ST3GAL6: variants seen among roughly 807,000 people sequenced by gnomAD.
ST3GAL6 encodes type 2 lactosamine alpha-2,3-sialyltransferase.
In ST3GAL6, 31 loss-of-function variants were observed where a neutral mutation model predicts 40.5. The observed-to-expected ratio is 0.77, with a 90% confidence interval of 0.58 to 1.03. The LOEUF (loss-of-function observed/expected upper bound fraction) is 1.03, where lower values mean the gene tolerates loss of function less well. Ranked by LOEUF, ST3GAL6 falls within the 50% of genes least tolerant of loss-of-function variation. The probability of loss-of-function intolerance (pLI) is 0.00; values close to 1 mark genes in which losing one functional copy is unlikely to be tolerated. For synonymous variants in ST3GAL6, 129 were observed against 136.9 expected (o/e 0.94, Z 0.40); for missense variants, 357 against 393.2 (o/e 0.91, Z 0.78).
intron 1 of ST3GAL6, chr3:98,733,023 TG>T (rs2107226924): frequency 7.0e-7 from 1 of 1,438,468 alleles, no homozygotes; most frequent in Non-Finnish European, 9.1e-7. Context: ...TGAGGGAAAT[TG>T]GGGGTGCGGG....
intron 1 of ST3GAL6, 37 bp downstream of exon 1, chr3:98,763,476 G>A (rs777900921): frequency 3.1e-6 from 4 of 1,289,274 alleles, no homozygotes; most frequent in Non-Finnish European, 3.0e-6. Context: ...TAAGGGGAAG[G>A]TTGTGGCTTA....
At chr3:98,786,589 G>A (rs571335385) in intron 6 of ST3GAL6, among the ~76,000 whole-genome samples, 34 of 152,302 alleles carry the variant, frequency 2.2e-4, no homozygotes, top group Admixed American at 2.2e-3. Context: ...TGAATGTACA[G>A]ATGAAGATGT....
Position 98,747,902 on chromosome 3 carries a change from G to T in ST3GAL6, c.-12+15370G>T, listed in dbSNP as rs748816708. Reference sequence around the variant, plus strand: ...TGATACTGGGAGGAGAGGAATGGGGGTAGGGAAGGGACCATAAATCTAGTT... The same window carrying T: ...TGATACTGGGAGGAGAGGAATGGGGTTAGGGAAGGGACCATAAATCTAGTT... On this transcript the variant is annotated intron_variant, in intron 1 of 9. Coordinates refer to the ST3GAL6 transcript ENST00000265261. 3.0e-4 allele frequency among the ~76,000 whole-genome samples: 45 copies of T among 152,182 alleles called. 1 individual carries two copies. Among genetic ancestry groups the T allele is most frequent in the Admixed American group, 1.8e-3 (27 of 15,278 alleles).
At chr3:98,787,914 G>T in intron 6 of ST3GAL6, 122 bp from the exon 7 acceptor site, 2 of 746,814 alleles carry the variant, frequency 2.7e-6, no homozygotes, top group Non-Finnish European at 4.2e-6. Flanking sequence ...CTATTGCTTT[G>T]TGGCTTCAGA....
intron 1 of ST3GAL6, among the ~76,000 whole-genome samples, chr3:98,753,504 G>A (rs1937181614): frequency 6.6e-6 from 1 of 152,254 alleles, no homozygotes; most frequent in South Asian, 2.1e-4. Flanking sequence ...GTCTTCTAGT[G>A]GAAGAAGATG....
At chr3:98,732,830 T>C (rs1349538477) in intron 1 of ST3GAL6, 10 of 1,498,614 alleles carry the variant, frequency 6.7e-6, no homozygotes, top group African/African-American at 1.4e-5. Context: ...CCACCTTCCT[T>C]TGGTTTCTGC....
intron 1 of ST3GAL6, among the ~76,000 whole-genome samples, chr3:98,751,068 G>C (rs1412361396): frequency 6.8e-6 from 1 of 147,884 alleles, no homozygotes; most frequent in Admixed American, 6.8e-5. Flanking sequence ...TTGAGATGGA[G>C]TCTCGCTCTG....
Position 98,770,887 on chromosome 3 carries a change from C to T in ST3GAL6, c.98C>T (p.Pro33Leu). ...LWGTNVYWVA[P>L]VEMKRRNKIQ... ...TTATTTTTGTCTCATAGGGTGGCACCTGTGGAAATGAAACGGAGAAATAAG... is the reference window on the plus strand; with the variant it reads ...TTATTTTTGTCTCATAGGGTGGCACTTGTGGAAATGAAACGGAGAAATAAG... Residue 33 changes from proline to leucine, a missense_variant, in exon 3 of 10, where the codon CCT becomes CTT. Pro to Leu is a moderately conservative substitution (Grantham distance 98). Coordinates refer to ENST00000483910, the MANE Select transcript of ST3GAL6 (RefSeq NM_001323368.2). 1 of 1,614,062 alleles carries T rather than the reference C, an allele frequency of 6.2e-7. No homozygotes were observed. Among genetic ancestry groups the T allele is most frequent in the African/African-American group, 1.3e-5 (1 of 75,026 alleles).
chr3:98,733,465 G>C lies in ST3GAL6; in HGVS notation c.-12+933G>C, dbSNP rs961216545. On this transcript the variant is annotated intron_variant, in intron 1 of 9. Transcript: ENST00000265261. ...TTGTAAAAGGGTCTGTACGCGAGGA[G>C]GGTTGAGGGGTCTGGAAGGTTCTGG... is the stretch of plus-strand genomic sequence containing the variant. 11 of 989,984 alleles carry C rather than the reference G, an allele frequency of 1.1e-5. No homozygotes were observed. The African/African-American group carries it at 1.9e-4, about 17-fold the overall frequency. The allele number at this position is 989,984 out of a possible 1,614,324, so 61.3% of individuals were successfully genotyped here. A position where few individuals can be genotyped will look rare whatever the true frequency, so the allele number is the denominator to read the frequency against.
At chr3:98,737,211 G>T (rs1935627203) in intron 1 of ST3GAL6, among the ~76,000 whole-genome samples, 1 of 152,032 alleles carries the variant, frequency 6.6e-6, no homozygotes, top group Non-Finnish European at 1.5e-5. Context: ...ACCACACCTG[G>T]CTATTTTCTG....
chr3:98,766,611 C>T lies in ST3GAL6; in HGVS notation c.-11-1819C>T, dbSNP rs142519780. Among the ~76,000 whole-genome samples the T allele has an allele frequency of 1.8e-3, 278 of 152,022 alleles. 3 individuals carry two copies. The highest frequency in any genetic ancestry group is 3.4e-3 in the Middle Eastern group (1 of 294). Reference sequence around the variant, plus strand: ...AATTTTTTTGCATTTTTAGTAGAGACGGTGTTTCACCATCTTGGCCAGGTT... The same window carrying T: ...AATTTTTTTGCATTTTTAGTAGAGATGGTGTTTCACCATCTTGGCCAGGTT... On this transcript the variant is annotated intron_variant, in intron 1 of 9. Transcript: ENST00000483910.
intron 1 of ST3GAL6, chr3:98,756,321 G>A (rs1327150183): frequency 7.8e-7 from 1 of 1,275,004 alleles, no homozygotes. Flanking sequence ...TTTTTCTGGG[G>A]CAGCTGAACC....
intron 1 of ST3GAL6, among the ~76,000 whole-genome samples, chr3:98,736,938 G>A (rs1314369240): frequency 2.0e-5 from 3 of 152,182 alleles, no homozygotes; most frequent in Non-Finnish European, 4.4e-5. Context: ...AAGATAGGAA[G>A]GCAGATTTTG....
intron 1 of ST3GAL6, among the ~76,000 whole-genome samples, chr3:98,741,133 C>G (rs147660413): frequency 6.6e-6 from 1 of 150,402 alleles, no homozygotes; most frequent in Non-Finnish European, 1.5e-5. Context: ...GAGAGAAAAT[C>G]TGTAGGTTGA....
At chr3:98,759,196 G>T (rs538599786), upstream of ST3GAL6, among the ~76,000 whole-genome samples, 19 of 152,332 alleles carry the variant, frequency 1.2e-4, no homozygotes, top group Non-Finnish European at 2.5e-4. Context: ...AGGGAAGAAA[G>T]ATTAGAGATC....
intron 1 of ST3GAL6, among the ~76,000 whole-genome samples, chr3:98,739,409 A>AC (rs397787915): frequency 6.6e-6 from 1 of 151,672 alleles, no homozygotes; most frequent in Non-Finnish European, 1.5e-5. Flanking sequence ...CCCCAAAAAA[A>AC]CCCATGCAAA....
chr3:98,733,543 C>G (rs1935246951), intron 1 of ST3GAL6: 1 of 985,502 alleles, frequency 1.0e-6, no homozygotes, highest in South Asian at 4.7e-5. Flanking sequence ...CACAATGGAA[C>G]TAGACCTAAC....
At chr3:98,767,760 G>C (rs1217894610) in intron 1 of ST3GAL6, among the ~76,000 whole-genome samples, 2 of 152,116 alleles carry the variant, frequency 1.3e-5, no homozygotes, top group Non-Finnish European at 2.9e-5. Context: ...AGAGGATTGT[G>C]TCAAGGTTTT....
chr3:98,782,840 T>A, intron 5 of ST3GAL6: 2 of 489,028 alleles, frequency 4.1e-6, no homozygotes, highest in Admixed American at 5.0e-5. Flanking sequence ...ACAGTCTACC[T>A]CTTTCCTGAT....
Sources: gnomAD v4.1 joint callset for allele counts (sites outside exome capture counted in the v4.1 genomes callset) on GRCh38, gnomAD v4.1.1 for gene constraint, MANE v1.5 for transcripts, NCBI Gene and HGNC (gene_info 2026-07-23, HGNC 2026-07-21) for gene names.